The following DAB1 variants were observed in gnomAD, a reference collection of about 807,000 sequenced individuals.
DAB1 encodes DAB adaptor protein 1, also known as disabled homolog 1.
A neutral mutation model predicts 64.6 loss-of-function variants in DAB1; 15 were observed. The ratio of observed to expected loss-of-function variants is 0.23; its 90% CI spans 0.16 to 0.36. The LOEUF (loss-of-function observed/expected upper bound fraction) is 0.36. Ranked by LOEUF, DAB1 falls within the 10% of genes least tolerant of loss-of-function variation. DAB1 has a pLI of 1.00. For synonymous variants in DAB1, 235 were observed against 251.9 expected (o/e 0.93, Z 0.64); for missense variants, 596 against 706.7 (o/e 0.84, Z 1.78).
intron 4 of DAB1, among the ~76,000 whole-genome samples, chr1:58,237,844 C>A (rs149066961): frequency 6.6e-6 from 1 of 152,118 alleles, no homozygotes; most frequent in African/African-American, 2.4e-5. Context: ...GTGATCATTA[C>A]CATATATTGA....
chr1:57,454,808 A>G (rs537071085), intron 7 of DAB1, among the ~76,000 whole-genome samples: 3 of 152,248 alleles, frequency 2.0e-5, no homozygotes, highest in African/African-American at 7.2e-5. Flanking sequence ...ACAGACCTTT[A>G]CTATATGCCT....
chr1:58,221,780 C>T (rs1659183972), intron 4 of DAB1, among the ~76,000 whole-genome samples: 1 of 152,200 alleles, frequency 6.6e-6, no homozygotes, highest in Non-Finnish European at 1.5e-5. Flanking sequence ...CCAATGATGG[C>T]CAGGACCACC....
At chr1:57,923,993 G>A (rs549318724) in intron 5 of DAB1, among the ~76,000 whole-genome samples, 82 of 152,202 alleles carry the variant, frequency 5.4e-4, no homozygotes, top group Non-Finnish European at 9.0e-4. Context: ...GGACTAGCAA[G>A]TAGCTTTTTT....
intron 3 of DAB1, among the ~76,000 whole-genome samples, chr1:58,420,901 C>G (rs1644765356): frequency 6.6e-6 from 1 of 152,190 alleles, no homozygotes; most frequent in Admixed American, 6.5e-5. Context: ...ATAAACGCAG[C>G]TCCCTGGTAT....
chr1:57,558,059 G>C (rs543608845), intron 7 of DAB1, among the ~76,000 whole-genome samples: 23 of 152,140 alleles, frequency 1.5e-4, no homozygotes, highest in Non-Finnish European at 2.4e-4. Context: ...GATCTCTACT[G>C]TTAAAGTGAG....
chr1:58,098,311 T>G (rs543493562), intron 5 of DAB1, among the ~76,000 whole-genome samples: 166 of 152,264 alleles, frequency 1.1e-3, no homozygotes, highest in Non-Finnish European at 1.9e-3. Flanking sequence ...ATAGTAATAC[T>G]GGGCTCCATC....
chr1:57,063,281 G>T (rs766197615), intron 8 of DAB1, among the ~76,000 whole-genome samples: 1 of 152,152 alleles, frequency 6.6e-6, no homozygotes, highest in African/African-American at 2.4e-5. Context: ...AAAATGAGGC[G>T]TAGGGAGGTG....
At chr1:58,288,639 T>C (rs1250262651) in intron 4 of DAB1, among the ~76,000 whole-genome samples, 2 of 152,220 alleles carry the variant, frequency 1.3e-5, no homozygotes, top group Non-Finnish European at 2.9e-5. Context: ...TCTTTTAGTA[T>C]AGTGCCTGGT....
intron 2 of DAB1, among the ~76,000 whole-genome samples, chr1:58,513,007 T>C (rs1646105389): frequency 6.6e-6 from 1 of 152,164 alleles, no homozygotes; most frequent in Non-Finnish European, 1.5e-5. Flanking sequence ...AGAAAAGTAT[T>C]ATAGAAAACT....
At position 58,115,967 on chromosome 1, in the gene DAB1, A is replaced by G. The variant is rs180894789; in HGVS notation, n.387+34544T>C. Among the ~76,000 whole-genome samples, 970 of 110,370 alleles carry G rather than the reference A, an allele frequency of 8.8e-3. 43 individuals are homozygous for G. In the East Asian group the frequency reaches 0.13, roughly 15 times the overall value. The allele number at this position is 110,370 out of a possible 152,430, so 72.4% of individuals were successfully genotyped here. ...ACTAACCTGCACAATGTGCACATGTACCCTAAAACTTAGAGTATAAAAAAA... is the reference window on the plus strand; with the variant it reads ...ACTAACCTGCACAATGTGCACATGTGCCCTAAAACTTAGAGTATAAAAAAA... On this transcript the variant is annotated intron_variant and non_coding_transcript_variant, in intron 5 of 20. Coordinates refer to the DAB1 transcript ENST00000485760.
At chr1:57,824,391 C>T (rs535111446), downstream of DAB1, among the ~76,000 whole-genome samples, 7 of 152,108 alleles carry the variant, frequency 4.6e-5, no homozygotes, top group African/African-American at 1.4e-4. Flanking sequence ...GGGATATGAA[C>T]GATGGCTGAT....
chr1:57,043,755 G>A (rs1397302640), intron 9 of DAB1, among the ~76,000 whole-genome samples: 3 of 151,832 alleles, frequency 2.0e-5, no homozygotes. Context: ...GCTGAGGCAG[G>A]ATAATCTCTT....
chr1:58,443,292 A>G (rs752937842), intron 3 of DAB1, among the ~76,000 whole-genome samples: 1 of 152,284 alleles, frequency 6.6e-6, no homozygotes, highest in Admixed American at 6.5e-5. Context: ...CTCACAGTAC[A>G]GGAGGCTTCC....
At chr1:57,149,114 G>A (rs2100837358) in intron 2 of DAB1, among the ~76,000 whole-genome samples, 1 of 152,036 alleles carries the variant, frequency 6.6e-6, no homozygotes, top group East Asian at 1.9e-4. Flanking sequence ...CAATTTTTTG[G>A]GTTTGGTTTC....
intron 6 of DAB1, among the ~76,000 whole-genome samples, chr1:57,686,973 G>A (rs752450239): frequency 6.6e-6 from 1 of 152,072 alleles, no homozygotes; most frequent in Non-Finnish European, 1.5e-5. Flanking sequence ...CATTCCCCTT[G>A]AGAACTGGGA....
intron 5 of DAB1, among the ~76,000 whole-genome samples, chr1:57,998,848 T>C (rs1436750200): frequency 6.6e-6 from 1 of 152,238 alleles, no homozygotes; most frequent in African/African-American, 2.4e-5. Context: ...TTGTGGACAT[T>C]AGTAACAGAG....
chr1:57,103,754 C>T (rs973768860), intron 4 of DAB1, among the ~76,000 whole-genome samples: 11 of 152,194 alleles, frequency 7.2e-5, no homozygotes, highest in Middle Eastern at 3.4e-3. Flanking sequence ...TGAACATGCT[C>T]CATGTATATT....
chr1:58,381,899 GAAGTGAGACTGAATGACA>G (rs1644393218), intron 3 of DAB1, among the ~76,000 whole-genome samples: 4 of 100,674 alleles, frequency 4.0e-5, no homozygotes, highest in Non-Finnish European at 6.8e-5. Flanking sequence ...CACCATCAAA[GAAGTGAGACTGAATGACA>G]CCATCAAAGA....
intron 1 of DAB1, among the ~76,000 whole-genome samples, chr1:57,349,931 C>T (rs913977038): frequency 6.6e-6 from 1 of 152,182 alleles, no homozygotes; most frequent in Admixed American, 6.5e-5. Flanking sequence ...CTGACATAGA[C>T]ACATTTATTC....
Sources: allele counts gnomAD v4.1 joint callset (sites outside exome capture counted in the v4.1 genomes callset), GRCh38; gene constraint gnomAD v4.1.1; transcripts MANE v1.5; gene names NCBI Gene and HGNC (gene_info 2026-07-23, HGNC 2026-07-21).